Variants in RHBDF1 observed in about 807,000 individuals in gnomAD.
RHBDF1 encodes the protein inactive rhomboid protein 1.
RHBDF1 carries 80 observed loss-of-function variants against 98.6 expected under a neutral mutation model. That is an observed-to-expected ratio of 0.81 (90% CI 0.68 to 0.98). The LOEUF (loss-of-function observed/expected upper bound fraction) is 0.98. Ranked by LOEUF, RHBDF1 falls within the 50% of genes least tolerant of loss-of-function variation. The pLI is 0.00. For missense variants in RHBDF1, 1,116 were observed against 1,198.3 expected, an observed-to-expected ratio of 0.93 and a Z score of 1.01; for synonymous variants, 512 against 486.8, an observed-to-expected ratio of 1.05 and a Z score of -0.68.
upstream of RHBDF1, chr16:73,923 G>A (rs553846167): frequency 1.0e-6 from 1 of 984,912 alleles, no homozygotes; most frequent in South Asian, 4.7e-5. Context: ...CTTACCGGTA[G>A]ATCCCAGAGC....
In RHBDF1 at chr16:62,578, C is replaced by T. The variant is rs1250115746; in HGVS notation, c.913G>A (p.Ala305Thr). 5 of 1,613,506 alleles carry T rather than the reference C, an allele frequency of 3.1e-6. No individual in the cohort carries two copies. Among genetic ancestry groups the T allele is most frequent in the Non-Finnish European group, 4.2e-6 (5 of 1,180,010 alleles). ...APEQADLTGG[A>T]LDRSELERSH... ...CGCTCAAGCTCGCTGCGGTCCAGGG[C>T]CCCGCCGGTGAGGTCCGCCTGCTCC... The change falls in exon 7 of 18, where the codon GCC becomes ACC. Residue 305 changes from alanine (A) to threonine (T), a missense_variant. By Grantham distance (58) the Ala-to-Thr change is moderately conservative. Transcript: ENST00000262316.
intron 1 of RHBDF1, among the ~76,000 whole-genome samples, chr16:69,570 A>T (rs1402774202): frequency 4.6e-5 from 7 of 151,904 alleles, no homozygotes; most frequent in Admixed American, 1.3e-4. Flanking sequence ...CTGAAGCTCA[A>T]TCCTAGATCT....
upstream of RHBDF1, among the ~76,000 whole-genome samples, chr16:74,499 C>A (rs531387072): frequency 6.6e-6 from 1 of 152,292 alleles, no homozygotes; most frequent in African/African-American, 2.4e-5. Flanking sequence ...CCCCCCGCAC[C>A]CAGGAGTCAC....
rs759224237 is a variant in RHBDF1, at chr16:63,684, C to T, written c.365G>A (p.Arg122Gln). Residue 122 changes from arginine (R) to glutamine (Q), a missense_variant, in exon 4 of 18, where the codon CGG (arginine) becomes CAG (glutamine). Transcript: ENST00000262316. ...RYGKLKPQVL[R>Q]ELDLPSQDNV... ...GTCCTGGCTGGGCAGGTCCAGCTCC[C>T]GGAGGACCTGGGGCTTCAGCTTCCC... 5.0e-6 allele frequency: 8 copies of T among 1,613,080 alleles called. No individual in the cohort carries two copies. The highest frequency in any genetic ancestry group is 2.2e-5 in the East Asian group (1 of 44,878).
chr16:75,178 G>T (rs555386381), upstream of RHBDF1, among the ~76,000 whole-genome samples: 3 of 152,194 alleles, frequency 2.0e-5, no homozygotes, highest in Non-Finnish European at 4.4e-5. Context: ...ATGCACCCTG[G>T]AGAAATGGAA....
upstream of RHBDF1, chr16:73,824 G>T (rs1168317756): frequency 2.1e-6 from 1 of 465,436 alleles, no homozygotes; most frequent in Non-Finnish European, 2.8e-6. Flanking sequence ...TCCAAACTGA[G>T]CTGTTGCACT....
rs1265890966 is a variant in RHBDF1 at position 64,739 on chromosome 16, C to T, written c.208G>A (p.Val70Met). 6.2e-7 allele frequency: 1 copy of T among 1,613,770 alleles called. No homozygotes were observed. The highest frequency in any genetic ancestry group is 1.1e-5 in the South Asian group (1 of 91,052). ...GTGATGGACGTCTGGCGTTGCAGCA[C>T]CGGCCGCCGGAGCTCATGGTGGGGT... ...SSPHHELRRPVLQRQTSITQT... is the reference protein window; with the variant it reads ...SSPHHELRRPMLQRQTSITQT... Residue 70 changes from valine (V) to methionine (M), a missense_variant, in exon 3 of 18, where the codon GTG becomes ATG. By Grantham distance (21) the Val-to-Met change is conservative. Coordinates refer to ENST00000262316, the MANE Select transcript of RHBDF1 (RefSeq NM_022450.5).
At chr16:65,161 G>T in intron 1 of RHBDF1, 122 bp from the exon 2 acceptor site, 1 of 1,032,992 alleles carries the variant, frequency 9.7e-7, no homozygotes, top group Non-Finnish European at 1.3e-6. Context: ...GTCCCCCACT[G>T]TCAGAGCACT....
chr16:62,936 G>A (rs930527485), intron 5 of RHBDF1, 37 bp downstream of exon 5: 3 of 1,612,692 alleles, frequency 1.9e-6, no homozygotes, highest in East Asian at 4.5e-5. Context: ...CGGCTGCTGG[G>A]TCGGCCCCCA....
chr16:71,340 C>G (rs1298700604), intron 1 of RHBDF1, among the ~76,000 whole-genome samples: 1 of 152,220 alleles, frequency 6.6e-6, no homozygotes, highest in Non-Finnish European at 1.5e-5. Flanking sequence ...GGAAAAGGGG[C>G]CCGGCTTGCC....
intron 9 of RHBDF1, 26 bp downstream of exon 9, chr16:61,559 G>T: frequency 6.2e-7 from 1 of 1,612,172 alleles, no homozygotes; most frequent in Non-Finnish European, 8.5e-7. Flanking sequence ...CACTCGTCTG[G>T]GCCCAGGGAA....
At chr16:63,901 T>C in intron 3 of RHBDF1, 101 bp from the exon 4 acceptor site, 1 of 1,010,086 alleles carries the variant, frequency 9.9e-7, no homozygotes, top group East Asian at 2.6e-5. Context: ...CCCAGGCCTG[T>C]AGTCACTCCA....
chr16:64,297 G>T, intron 3 of RHBDF1: 1 of 1,337,472 alleles, frequency 7.5e-7, no homozygotes, highest in Non-Finnish European at 9.9e-7. Context: ...GCACATGCCA[G>T]AAAACACCAA....
intron 7 of RHBDF1, 139 bp from the exon 8 acceptor site, chr16:62,191 G>A (rs971366570): frequency 3.6e-5 from 46 of 1,260,936 alleles, no homozygotes; most frequent in Non-Finnish European, 4.7e-5. Flanking sequence ...CTCCTTGCCA[G>A]TAAAAAAGCA....
intron 1 of RHBDF1, among the ~76,000 whole-genome samples, chr16:67,615 G>A (rs1897862557): frequency 6.6e-6 from 1 of 152,218 alleles, no homozygotes; most frequent in African/African-American, 2.4e-5. Context: ...GGGAGGACCT[G>A]CAGCCTCAGG....
chr16:67,122 G>A lies in RHBDF1; in HGVS notation c.-24-2083C>T, dbSNP rs558080497. On this transcript the variant is annotated intron_variant, in intron 1 of 17. Transcript: ENST00000262316. The stretch of plus-strand genomic sequence containing the variant: ...CACCCTGCTGGTAAGGAATAGCCAG[G>A]AGGGGCCACCTCTGAGTCTCAGACA... Among the ~76,000 whole-genome samples, 11 of 152,318 alleles carry A rather than the reference G, an allele frequency of 7.2e-5. No individual in the cohort carries two copies. The South Asian group carries it at 2.3e-3, about 32-fold the overall frequency.
chr16:64,635 T>G lies in RHBDF1; in HGVS notation c.248+64A>C, dbSNP rs577126972. 3.8e-6 allele frequency: 6 copies of G among 1,563,906 alleles called. No homozygotes were observed. In the South Asian group the frequency reaches 6.1e-5, roughly 16 times the overall value. On this transcript the variant is annotated intron_variant, in intron 3 of 17. Transcript: ENST00000262316. ...CTTGTTCTCATTTCCATCCTCTGTG[T>G]ACCTGCCTCTGCCCCACCAGCCCCC...
chr16:64,623 C>T, intron 3 of RHBDF1, 76 bp downstream of exon 3: 1 of 1,550,900 alleles, frequency 6.4e-7, no homozygotes, highest in Admixed American at 1.9e-5. Flanking sequence ...GTTCTCATTT[C>T]CATCCTCTGT....
chr16:72,606 C>CGCCGGTCCGGCCCGCCT lies in RHBDF1; in HGVS notation c.-119_-118insAGGCGGGCCGGACCGGC. 1 of 977,602 alleles carries CGCCGGTCCGGCCCGCCT rather than the reference C, an allele frequency of 1.0e-6. No homozygotes were observed. The highest frequency in any genetic ancestry group is 4.7e-5 in the South Asian group (1 of 21,210). 60.6% of individuals were successfully genotyped at this position (977,602 alleles called of 1,614,324 possible). Reference sequence around the variant, plus strand: ...GGCCCGCGCCGAGTCCCCGCCCGCCCGCCGGTCCGGCCCGCCCGGGAATGC... The same window carrying CGCCGGTCCGGCCCGCCT: ...GGCCCGCGCCGAGTCCCCGCCCGCCCGCCGGTCCGGCCCGCCTGCCGGTCCGGCCCGCCCGGGAATGC... On this transcript the variant is annotated 5_prime_UTR_variant, in exon 1 of 18. Coordinates refer to ENST00000262316, the MANE Select transcript of RHBDF1 (RefSeq NM_022450.5).
Sources: gnomAD v4.1 joint callset for allele counts (sites outside exome capture counted in the v4.1 genomes callset) on GRCh38, gnomAD v4.1.1 for gene constraint, MANE v1.5 for transcripts, NCBI Gene and HGNC (gene_info 2026-07-23, HGNC 2026-07-21) for gene names.